Variants in LRRK1 observed in about 807,000 individuals in gnomAD.
The protein encoded by LRRK1 is leucine-rich repeat serine/threonine-protein kinase 1.
A neutral mutation model predicts 209.1 loss-of-function variants in LRRK1; 113 were observed. The observed-to-expected ratio is 0.54, with a 90% CI of 0.46 to 0.63. The LOEUF (loss-of-function observed/expected upper bound fraction) is 0.63. LRRK1 is among the 30% of genes least tolerant of loss of function. LRRK1 has a pLI of 0.00. For synonymous variants in LRRK1, 1,144 were observed against 1,099.7 expected (o/e 1.04, Z -0.80); for missense variants, 2,284 against 2,632.2 (o/e 0.87, Z 2.89).
Position 100,983,622 on chromosome 15 carries a change from C to T in LRRK1, c.356C>T (p.Thr119Met), listed in dbSNP as rs750884820. Residue 119 changes from threonine (T) to methionine (M), a missense_variant, in exon 4 of 34, where the codon ACG becomes ATG. This residue lies in a region of LRRK1 where 134 missense variants were observed against 191.7 expected (regional missense o/e 0.70). Coordinates refer to ENST00000388948, the MANE Select transcript of LRRK1 (RefSeq NM_024652.6). ...KRLVELPTEP[T>M]DDNPAVVAAY... is the part of the protein sequence containing the mutation. ...CTGGTGGAGCTGCCCACCGAGCCCA[C>T]GGATGACAACCCAGCCGTGGTGGCA... The T allele has an allele frequency of 1.6e-5, 25 of 1,610,022 alleles. No homozygotes were observed. Among genetic ancestry groups the T allele is most frequent in the East Asian group, 6.7e-5 (3 of 44,812 alleles).
At position 100,945,619 on chromosome 15, in the gene LRRK1, G is replaced by A. The variant is rs377727535; in HGVS notation, c.97+20890G>A. On this transcript the variant is annotated intron_variant, in intron 2 of 33. Transcript: ENST00000388948. ...AATGATTATCCTGCCTCAGCCTCCC[G>A]AGTAGCTGGGATCACAGGCGCCCAC... Among the ~76,000 whole-genome samples the A allele has an allele frequency of 4.7e-5, 7 of 148,850 alleles. No individual in the cohort carries two copies. In the East Asian group the frequency reaches 6.1e-4, roughly 13 times the overall value.
chr15:101,065,607 T>C lies in LRRK1; in HGVS notation c.5170T>C (p.Cys1724Arg). The C allele has an allele frequency of 6.2e-7, 1 of 1,614,216 alleles. No individual in the cohort carries two copies. The highest frequency in any genetic ancestry group is 8.5e-7 in the Non-Finnish European group (1 of 1,180,026). Residue 1724 changes from cysteine to arginine, a missense_variant, in exon 32 of 34, where the codon TGC (cysteine) becomes CGC (arginine). Physicochemically the swap from Cys to Arg is radical, Grantham distance 180 (BLOSUM62 -3). Around this residue, in one of 6 missense-constraint regions of LRRK1, gnomAD observed 643 missense variants for 695.9 expected, o/e 0.92. Coordinates refer to ENST00000388948, the MANE Select transcript of LRRK1 (RefSeq NM_024652.6). ...LVIDCASLEI[C>R]RRLEPYMAPS... ...CATCGACTGTGCCTCCCTGGAGATC[T>C]GCAGGCGGCTGGAGCCCTACATGGC...
intron 2 of LRRK1, among the ~76,000 whole-genome samples, chr15:100,929,055 G>T (rs997357922): frequency 1.3e-5 from 2 of 152,142 alleles, no homozygotes; most frequent in African/African-American, 4.8e-5. Flanking sequence ...TGCAGGACGC[G>T]CATTACTTTG....
At position 100,973,639 on chromosome 15, in the gene LRRK1, G is replaced by A. The variant is rs562032208; in HGVS notation, c.98-165G>A. 1.6e-3 allele frequency among the ~76,000 whole-genome samples: 244 copies of A among 152,294 alleles called. 1 individual carries two copies. Among genetic ancestry groups the A allele is most frequent in the Non-Finnish European group, 2.9e-3 (198 of 68,006 alleles). ...CGGCCCCGGTTGGGTTGCGGGTCGC[G>A]GGGCGGCGAGCGCAGGGAGCGTCGC... On this transcript the variant is annotated intron_variant, in intron 2 of 33. Transcript: ENST00000388948.
rs192998215 is a variant in LRRK1 at position 100,974,170 on chromosome 15, G to T, written c.261+203G>T. The T allele has an allele frequency of 4.3e-5, 18 of 419,306 alleles. 1 individual carries two copies. The highest frequency in any genetic ancestry group is 3.7e-4 in the African/African-American group (18 of 48,986). The allele number at this position is 419,306 out of a possible 1,614,324, so 26.0% of individuals were successfully genotyped here. The stretch of plus-strand genomic sequence containing the variant: ...TCTGATATCACCTAAGCAGGCCCCT[G>T]CCACCTTTTCATGGGAGGCCTTTGA... On this transcript the variant is annotated intron_variant, in intron 3 of 33. Coordinates refer to ENST00000388948, the MANE Select transcript of LRRK1 (RefSeq NM_024652.6).
intron 2 of LRRK1, among the ~76,000 whole-genome samples, chr15:100,948,291 A>T (rs2042580938): frequency 6.6e-6 from 1 of 152,128 alleles, no homozygotes; most frequent in African/African-American, 2.4e-5. Flanking sequence ...GTGCACTTGG[A>T]CTTCCTTAGG....
Position 101,024,311 on chromosome 15 carries a change from G to A in LRRK1, c.2068-492G>A, listed in dbSNP as rs1004412418. 1.4e-4 allele frequency among the ~76,000 whole-genome samples: 22 copies of A among 152,192 alleles called. No homozygotes were observed. Among genetic ancestry groups the A allele is most frequent in the Admixed American group, 9.2e-4 (14 of 15,280 alleles). Reference sequence around the variant, plus strand: ...TAGAGAAACCACCGTTTACACAGCCGTTCCCGGCAGCCCAACAGCTCATCT... The same window carrying A: ...TAGAGAAACCACCGTTTACACAGCCATTCCCGGCAGCCCAACAGCTCATCT... On this transcript the variant is annotated intron_variant, in intron 15 of 33. Transcript: ENST00000388948. This position sits in a 1 kb window ranked among gnomAD's most constrained non-coding sequence, Gnocchi z 4.6.
rs576416535 is a variant in LRRK1, at chr15:101,012,296, G to T, written c.1419+151G>T. On this transcript the variant is annotated intron_variant, in intron 10 of 33. Coordinates refer to ENST00000388948, the MANE Select transcript of LRRK1 (RefSeq NM_024652.6). ...AGTTCAGCTATCAAAAATATGCATGGCCACGAACAGCGATGAGGGTGGCAC... is the reference window on the plus strand; with the variant it reads ...AGTTCAGCTATCAAAAATATGCATGTCCACGAACAGCGATGAGGGTGGCAC... The T allele has an allele frequency of 3.6e-5, 27 of 747,498 alleles. No individual in the cohort carries two copies. The Middle Eastern group carries it at 7.5e-4, about 21-fold the overall frequency. 46.3% of individuals were successfully genotyped at this position (747,498 alleles called of 1,614,324 possible). A position where few individuals can be genotyped will look rare whatever the true frequency, so the allele number is the denominator to read the frequency against.
chr15:101,037,281 G>A (rs1184417768), intron 20 of LRRK1, among the ~76,000 whole-genome samples: 1 of 152,186 alleles, frequency 6.6e-6, no homozygotes, highest in Non-Finnish European at 1.5e-5. Context: ...GGCCACGGGT[G>A]ACATGTGCAA....
chr15:100,995,541 G>A (rs1233363904), intron 6 of LRRK1, among the ~76,000 whole-genome samples: 1 of 152,202 alleles, frequency 6.6e-6, no homozygotes, highest in Admixed American at 6.5e-5. Context: ...TCTTAAAGCT[G>A]CTAAAGTTTT....
chr15:101,016,475 C>T (rs911201612), intron 12 of LRRK1, among the ~76,000 whole-genome samples: 34 of 147,342 alleles, frequency 2.3e-4, no homozygotes, highest in African/African-American at 8.3e-4. Context: ...TGTGAGCCAC[C>T]ACGCCCGGCC....
intron 20 of LRRK1, among the ~76,000 whole-genome samples, chr15:101,034,087 T>C (rs2034396574): frequency 6.6e-6 from 1 of 152,224 alleles, no homozygotes; most frequent in Non-Finnish European, 1.5e-5. Flanking sequence ...TCTATTCATG[T>C]CCTTTGCCTT....
Position 101,072,539 on chromosome 15 carries a change from A to G in LRRK1, c.*3691A>G, listed in dbSNP as rs1007654491. The stretch of plus-strand genomic sequence containing the variant: ...ATCGCATCCCCTGTGACTTGCACGT[A>G]TATGCCTAGATGGCCTGAAGTAACT... On this transcript the variant is annotated 3_prime_UTR_variant, in exon 34 of 34. Coordinates refer to ENST00000388948, the MANE Select transcript of LRRK1 (RefSeq NM_024652.6). The G allele has an allele frequency of 2.0e-5, 3 of 152,388 alleles. No individual in the cohort carries two copies. The highest frequency in any genetic ancestry group is 7.2e-5 in the African/African-American group (3 of 41,472). The allele number at this position is 152,388 out of a possible 1,614,324, so 9.4% of individuals were successfully genotyped here. A position where few individuals can be genotyped will look rare whatever the true frequency, so the allele number is the denominator to read the frequency against.
chr15:101,015,615 C>T (rs144771735), intron 12 of LRRK1, among the ~76,000 whole-genome samples: 82 of 152,356 alleles, frequency 5.4e-4, no homozygotes, highest in African/African-American at 1.8e-3. Flanking sequence ...CCTCAAGCCC[C>T]ACTCTCCTGC....
chr15:101,056,581 GA>G (rs1275424204), intron 27 of LRRK1, among the ~76,000 whole-genome samples: 2 of 152,082 alleles, frequency 1.3e-5, no homozygotes, highest in African/African-American at 4.8e-5. Flanking sequence ...CAGATGAGAA[GA>G]ATGGATAAAT....
rs1415786642 is a variant in LRRK1, at chr15:101,027,350, C to T, written c.2495C>T (p.Thr832Ile). 1 of 1,613,900 alleles carries T rather than the reference C, an allele frequency of 6.2e-7. No individual in the cohort carries two copies. Among genetic ancestry groups the T allele is most frequent in the Non-Finnish European group, 8.5e-7 (1 of 1,180,010 alleles). ...VTCSMKDVGS[T>I]IGCQRLAGRL... The stretch of plus-strand genomic sequence containing the variant: ...TGCAGCATGAAGGACGTGGGCAGCA[C>T]CATCGGCTGCCAGCGACTGGCAGGG... Residue 832 changes from threonine to isoleucine, a missense_variant, in exon 18 of 34, where the codon ACC becomes ATC. By Grantham distance (89) the Thr-to-Ile change is moderately conservative (BLOSUM62 -1). Coordinates refer to ENST00000388948, the MANE Select transcript of LRRK1 (RefSeq NM_024652.6). This position sits in a 1 kb window ranked among gnomAD's most constrained non-coding sequence, Gnocchi z 5.1.
chr15:101,065,929 A>C lies in LRRK1; in HGVS notation c.5492A>C (p.His1831Pro). Residue 1831 changes from histidine to proline, a missense_variant, in exon 32 of 34, where the codon CAC (histidine) becomes CCC (proline). Coordinates refer to ENST00000388948, the MANE Select transcript of LRRK1 (RefSeq NM_024652.6). ...GAGCTGGGCACGCAGATCCTGATCCACCAGGAATCACTCACTGACTACTGC... is the reference window on the plus strand; with the variant it reads ...GAGCTGGGCACGCAGATCCTGATCCCCCAGGAATCACTCACTGACTACTGC... ...SEELGTQILI[H>P]QESLTDYCSM... 1 of 1,614,136 alleles carries C rather than the reference A, an allele frequency of 6.2e-7. No homozygotes were observed. The highest frequency in any genetic ancestry group is 8.5e-7 in the Non-Finnish European group (1 of 1,180,018).
chr15:101,007,275 A>G (rs1414897193), intron 6 of LRRK1, among the ~76,000 whole-genome samples: 2 of 152,142 alleles, frequency 1.3e-5, no homozygotes, highest in African/African-American at 4.8e-5. Context: ...ATTTTTGTTC[A>G]TATTTCTGCT....
intron 23 of LRRK1, among the ~76,000 whole-genome samples, chr15:101,051,030 G>A (rs375612018): frequency 8.7e-4 from 133 of 152,324 alleles, no homozygotes; most frequent in African/African-American, 3.0e-3. Context: ...AGATCGCCTG[G>A]AGCCAGCATC....
Sources: allele counts gnomAD v4.1 joint callset (sites outside exome capture counted in the v4.1 genomes callset), GRCh38; gene constraint gnomAD v4.1.1; regional missense constraint gnomAD v4.1.1; non-coding constraint Gnocchi (gnomAD v3.1); transcripts MANE v1.5; gene names NCBI Gene and HGNC (gene_info 2026-07-23, HGNC 2026-07-21).